PIEZO1: variants seen among roughly 807,000 people sequenced by gnomAD.
PIEZO1 encodes piezo type mechanosensitive ion channel component 1 (Er blood group).
A neutral mutation model predicts 297.2 loss-of-function variants in PIEZO1; 296 were observed. That is an observed-to-expected ratio of 1.00 (90% CI 0.91 to 1.10). The LOEUF (loss-of-function observed/expected upper bound fraction) is 1.10, where lower values mean the gene tolerates loss of function less well. PIEZO1 is among the 50% of genes least tolerant of loss of function. The pLI is 0.00. For synonymous variants in PIEZO1, 2,427 were observed against 1,507.5 expected (o/e 1.61, Z -14.13); for missense variants, 5,018 against 3,455.5 (o/e 1.45, Z -11.34).
At position 88,731,801 on chromosome 16, in the gene PIEZO1, A is replaced by G. The variant is rs1261399200; in HGVS notation, c.3101T>C (p.Ile1034Thr). 7.8e-6 allele frequency: 12 copies of G among 1,545,382 alleles called. No homozygotes were observed. Among genetic ancestry groups the G allele is most frequent in the Non-Finnish European group, 9.6e-6 (11 of 1,144,398 alleles). Residue 1034 changes from isoleucine to threonine, a missense_variant, in exon 22 of 51, where the codon ATT (isoleucine) becomes ACT (threonine). Transcript: ENST00000301015. ...GCAGTAGTTGGGCCAGAGGCGGGCA[A>G]TGGCCTGGCGGTGCCTGCGGGTGAG... ...AILTRRHRQA[I>T]ARLWPNYCLF...
At chr16:88,771,550 C>A (rs1422222348) in intron 1 of PIEZO1, among the ~76,000 whole-genome samples, 1 of 152,230 alleles carries the variant, frequency 6.6e-6, no homozygotes, top group Non-Finnish European at 1.5e-5. Context: ...CACGCCCAAG[C>A]CTGAACCTCA....
intron 22 of PIEZO1, among the ~76,000 whole-genome samples, chr16:88,728,234 G>A (rs1051207044): frequency 6.6e-6 from 1 of 152,268 alleles, no homozygotes; most frequent in East Asian, 1.9e-4. Context: ...GCTGGGGAGG[G>A]AGCCGTGGCA....
At chr16:88,775,420 T>C (rs780972260) in intron 1 of PIEZO1, among the ~76,000 whole-genome samples, 6 of 152,276 alleles carry the variant, frequency 3.9e-5, no homozygotes, top group South Asian at 4.1e-4. Context: ...CTGAATGAAA[T>C]GCCTGCTCTT....
At position 88,720,676 on chromosome 16, in the gene PIEZO1, C is replaced by T. The variant is rs774286810; in HGVS notation, c.5741G>A (p.Ser1914Asn). ...CGCCCTTACTCTTCCTCCAGAGCGG[C>T]TTGGCCTCTTCTCTCTCCCCGTGGG... The part of the protein sequence containing the change: ...EAPTGREKRP[S>N]RSGGRVRAAG... The change falls in exon 40 of 51, where the codon AGC becomes AAC. Residue 1914 changes from serine (S) to asparagine (N), a missense_variant. Physicochemically the swap from Ser to Asn is conservative, Grantham distance 46. Coordinates refer to ENST00000301015, the MANE Select transcript of PIEZO1 (RefSeq NM_001142864.4). 3.2e-6 allele frequency: 5 copies of T among 1,546,576 alleles called. No homozygotes were observed. The highest frequency in any genetic ancestry group is 1.2e-5 in the South Asian group (1 of 83,636).
chr16:88,770,329 G>T lies in PIEZO1; in HGVS notation c.64+14572C>A, dbSNP rs546969166. 4.6e-5 allele frequency among the ~76,000 whole-genome samples: 7 copies of T among 152,264 alleles called. No individual in the cohort carries two copies. In the South Asian group the frequency reaches 1.5e-3, roughly 32 times the overall value. On this transcript the variant is annotated intron_variant, in intron 1 of 50. Transcript: ENST00000301015. ...ATGACCCGGTCACACCTGCCCCCCA[G>T]CCGGGCCCCGCCTGCATCACTTTCT...
At chr16:88,719,500 G>A (rs1056785185) in intron 44 of PIEZO1, 74 bp downstream of exon 44, 2 of 1,408,504 alleles carry the variant, frequency 1.4e-6, no homozygotes, top group Non-Finnish European at 1.9e-6. Context: ...GGTTCTCGTG[G>A]CAGCAGTGCC....
Position 88,715,505 on chromosome 16 carries a change from T to C in PIEZO1, c.*100A>G. 1 of 1,269,724 alleles carries C rather than the reference T, an allele frequency of 7.9e-7. No individual in the cohort carries two copies. The highest frequency in any genetic ancestry group is 1.1e-6 in the Non-Finnish European group (1 of 921,272). The allele number at this position is 1,269,724 out of a possible 1,614,324, so 78.7% of individuals were successfully genotyped here. ...GAGGATGCATCACAGCTGGCGGCCT[T>C]GGACGGGGCAGTGGCTCCCCCGGCC... On this transcript the variant is annotated 3_prime_UTR_variant, in exon 51 of 51. Coordinates refer to ENST00000301015, the MANE Select transcript of PIEZO1 (RefSeq NM_001142864.4).
chr16:88,730,962 G>C (rs1359292784), intron 22 of PIEZO1, among the ~76,000 whole-genome samples: 1 of 152,256 alleles, frequency 6.6e-6, no homozygotes, highest in East Asian at 1.9e-4. Context: ...CCAACAGGCT[G>C]GGTGCCACTG....
intron 1 of PIEZO1, among the ~76,000 whole-genome samples, chr16:88,765,893 C>G (rs956086703): frequency 6.6e-5 from 10 of 152,058 alleles, no homozygotes; most frequent in Non-Finnish European, 1.0e-4. Flanking sequence ...AGGCTGGTCT[C>G]GAACTCCTGA....
At position 88,720,644 on chromosome 16, in the gene PIEZO1, G is replaced by T. The variant is rs201442593; in HGVS notation, c.5773C>A (p.Arg1925=). 6.5e-7 allele frequency: 1 copy of T among 1,536,080 alleles called. No homozygotes were observed. The highest frequency in any genetic ancestry group is 8.8e-7 in the Non-Finnish European group (1 of 1,140,620). ...RSGGRVRAAG[R]RLQGFCLSLA... ...GACAGGCAGAAGCCCTGCAGCCGCC[G>T]CCCGGCCGCCCTTACTCTTCCTCCA... is the stretch of plus-strand genomic sequence containing the variant. Residue 1925 remains arginine (R), a synonymous_variant, in exon 40 of 51, where the codon CGG becomes AGG. Coordinates refer to ENST00000301015, the MANE Select transcript of PIEZO1 (RefSeq NM_001142864.4).
In PIEZO1 at chr16:88,732,894, G is replaced by C. The variant is rs2340985; in HGVS notation, c.2665-162C>G. 0.021 allele frequency: 14,536 copies of C among 700,652 alleles called. 800 individuals carry two copies. The highest frequency in any genetic ancestry group is 0.15 in the African/African-American group (8,532 of 55,642). The allele number at this position is 700,652 out of a possible 1,614,324, so 43.4% of individuals were successfully genotyped here. A position where few individuals can be genotyped will look rare whatever the true frequency, so the allele number is the denominator to read the frequency against. On this transcript the variant is annotated intron_variant, in intron 19 of 50. Transcript: ENST00000301015. ...GCCACCTTCACGGGGAAGGGGACCA[G>C]GTGTTTGAGAAACAGGGAGACCACG... is the stretch of plus-strand genomic sequence containing the variant.
chr16:88,721,139 G>T, intron 39 of PIEZO1, 27 bp downstream of exon 39: 1 of 1,465,180 alleles, frequency 6.8e-7, no homozygotes, highest in Admixed American at 2.4e-5. Flanking sequence ...TGGGTAGGCA[G>T]GAGGTTGTGA....
chr16:88,720,569 G>GCCGCCCCCC, intron 40 of PIEZO1, 37 bp from the exon 41 acceptor site: 1 of 1,216,686 alleles, frequency 8.2e-7, no homozygotes, highest in Non-Finnish European at 1.1e-6. Context: ...CCCAGTACCC[G>GCCGCCCCCC]CCTCCCCACC....
In PIEZO1 at chr16:88,725,081, C is replaced by T; in HGVS notation, c.4163-1G>A. ...GAGGAGCCCCCTGGACTGTCGGGCCCTGTGGAGGGGCAGGGTGAGCATGAG... is the reference window on the plus strand; with the variant it reads ...GAGGAGCCCCCTGGACTGTCGGGCCTTGTGGAGGGGCAGGGTGAGCATGAG... On this transcript the variant is annotated splice_acceptor_variant, in intron 29 of 50. Transcript: ENST00000301015. LOFTEE classifies it high-confidence loss of function. 1.3e-6 allele frequency: 2 copies of T among 1,511,270 alleles called. No homozygotes were observed. Among genetic ancestry groups the T allele is most frequent in the Non-Finnish European group, 8.8e-7 (1 of 1,132,514 alleles). The allele number at this position is 1,511,270 out of a possible 1,614,324, so 93.6% of individuals were successfully genotyped here.
chr16:88,755,208 C>A (rs888077977), intron 1 of PIEZO1, among the ~76,000 whole-genome samples: 1 of 152,162 alleles, frequency 6.6e-6, no homozygotes, highest in African/African-American at 2.4e-5. Flanking sequence ...AACAGCCGCC[C>A]CCGCCGCCCC....
At position 88,738,591 on chromosome 16, in the gene PIEZO1, G is replaced by A. The variant is rs1181517978; in HGVS notation, c.611C>T (p.Ala204Val). The change falls in exon 6 of 51, where the codon GCC becomes GTC. Residue 204 changes from alanine (A) to valine (V), a missense_variant. Transcript: ENST00000301015. ...ACCTGCCAGTGCAAGCAGTGTTACGGCCAGGACCCGCCCAGCCGCCACCAG... is the reference window on the plus strand; with the variant it reads ...ACCTGCCAGTGCAAGCAGTGTTACGACCAGGACCCGCCCAGCCGCCACCAG... ...WLLVAAGRVL[A>V]VTLLALAGIA... is the part of the protein sequence containing the mutation. The A allele has an allele frequency of 3.3e-6, 5 of 1,535,404 alleles. No homozygotes were observed. In the African/African-American group the frequency reaches 6.8e-5, roughly 21 times the overall value.
intron 1 of PIEZO1, among the ~76,000 whole-genome samples, chr16:88,774,176 C>G (rs963553100): frequency 2.0e-5 from 3 of 152,184 alleles, no homozygotes; most frequent in Non-Finnish European, 4.4e-5. Context: ...CTGCCTGGGC[C>G]CCCTTCCCAC....
intron 1 of PIEZO1, among the ~76,000 whole-genome samples, chr16:88,774,308 T>G (rs1375330027): frequency 1.3e-5 from 2 of 152,214 alleles, no homozygotes; most frequent in Non-Finnish European, 2.9e-5. Flanking sequence ...TGAGAATCGC[T>G]TGAACCCGGG....
intron 44 of PIEZO1, chr16:88,718,528 G>A (rs1044509615): frequency 5.9e-5 from 9 of 152,262 alleles, no homozygotes; most frequent in African/African-American, 2.2e-4. Context: ...CTGCCACGTG[G>A]GTGGACCTCA....
Sources: allele counts gnomAD v4.1 joint callset (sites outside exome capture counted in the v4.1 genomes callset), GRCh38; gene constraint gnomAD v4.1.1; transcripts MANE v1.5; gene names NCBI Gene and HGNC (gene_info 2026-07-23, HGNC 2026-07-21).